SCP2: variants seen among roughly 807,000 people sequenced by gnomAD.
SCP2 encodes SCP-2/3-oxoacyl-CoA thiolase.
In SCP2, 48 loss-of-function variants were observed where a neutral mutation model predicts 71.4. The observed-to-expected ratio is 0.67, with a 90% CI of 0.53 to 0.86. The LOEUF is 0.86. Ranked by LOEUF, SCP2 falls within the 40% of genes least tolerant of loss-of-function variation. The pLI is 0.00. For synonymous variants in SCP2, 220 were observed against 218.1 expected, an observed-to-expected ratio of 1.01 and a Z score of -0.08; for missense variants, 560 against 655.6, an observed-to-expected ratio of 0.85 and a Z score of 1.59.
chr1:52,931,998 CAA>C (rs1346181804), intron 1 of SCP2, among the ~76,000 whole-genome samples: 2 of 151,048 alleles, frequency 1.3e-5, no homozygotes, highest in East Asian at 3.9e-4. Flanking sequence ...TTGACCAAAA[CAA>C]AATATTCAAT....
chr1:52,977,978 A>G (rs1658131109), intron 8 of SCP2, among the ~76,000 whole-genome samples: 1 of 152,082 alleles, frequency 6.6e-6, no homozygotes, highest in Non-Finnish European at 1.5e-5. Flanking sequence ...AAAAAAAAAA[A>G]AAGAACTTTT....
At chr1:52,973,616 T>C (rs1350572823) in intron 6 of SCP2, among the ~76,000 whole-genome samples, 1 of 152,146 alleles carries the variant, frequency 6.6e-6, no homozygotes, top group Non-Finnish European at 1.5e-5. Flanking sequence ...CGCTGTCACC[T>C]AGGCTGGAGT....
Position 52,960,510 on chromosome 1 carries a change from G to GTATA in SCP2, c.397-992_397-991insATAT, listed in dbSNP as rs1557561893. Among the ~76,000 whole-genome samples, 25 of 145,274 alleles carry GTATA rather than the reference G, an allele frequency of 1.7e-4. 1 individual carries two copies. The highest frequency in any genetic ancestry group is 1.6e-3 in the Admixed American group (23 of 14,498). On this transcript the variant is annotated intron_variant, in intron 5 of 15. Coordinates refer to ENST00000371514, the MANE Select transcript of SCP2 (RefSeq NM_002979.5). The stretch of plus-strand genomic sequence containing the variant: ...TGTGTGTGTGTGTGTGTGTGTGTGT[G>GTATA]TGTGTGTGTATATGTGTGTATATAT...
At chr1:52,931,435 T>C (rs1046017171) in intron 1 of SCP2, among the ~76,000 whole-genome samples, 6 of 152,324 alleles carry the variant, frequency 3.9e-5, no homozygotes, top group Admixed American at 3.9e-4. Context: ...GGAGACTTTT[T>C]CTCTGGGGAA....
chr1:53,005,194 G>T (rs1244099719), intron 11 of SCP2, among the ~76,000 whole-genome samples: 1 of 152,046 alleles, frequency 6.6e-6, no homozygotes, highest in East Asian at 1.9e-4. Context: ...TCCACTTCTT[G>T]GGGCAGGGCA....
At chr1:53,035,054 G>A (rs1223110762) in intron 13 of SCP2, among the ~76,000 whole-genome samples, 1 of 151,786 alleles carries the variant, frequency 6.6e-6, no homozygotes, top group Non-Finnish European at 1.5e-5. Context: ...GCAGTAAGCT[G>A]AGATCACGCC....
chr1:52,943,206 G>C (rs888469399), intron 2 of SCP2, among the ~76,000 whole-genome samples: 2 of 151,336 alleles, frequency 1.3e-5, no homozygotes, highest in African/African-American at 4.9e-5. Context: ...AGAATGAAAT[G>C]GTTCCCAACA....
At position 53,050,610 on chromosome 1, in the gene SCP2, C is replaced by A. The variant is rs1187804732; in HGVS notation, c.1550C>A (p.Ala517Asp). ...LMTGKMNPQSAFFQGKLKITG... is the reference protein window; with the variant it reads ...LMTGKMNPQSDFFQGKLKITG... ...ATGAATTTTCTTTCTTCTTCACAGG[C>A]CTTCTTTCAAGGCAAATTGAAAATC... Residue 517 changes from alanine (A) to aspartate (D), a missense_variant and splice_region_variant, in exon 16 of 16, where the codon GCC (alanine) becomes GAC (aspartate). Physicochemically the swap from Ala to Asp is moderately radical, Grantham distance 126. This residue lies in a region of SCP2 where 43 missense variants were observed against 65.9 expected (regional missense o/e 0.65). Coordinates refer to ENST00000371514, the MANE Select transcript of SCP2 (RefSeq NM_002979.5). 5.6e-6 allele frequency: 9 copies of A among 1,608,044 alleles called. No homozygotes were observed. Among genetic ancestry groups the A allele is most frequent in the Non-Finnish European group, 7.7e-6 (9 of 1,174,588 alleles).
At chr1:53,005,150 C>T (rs148520432) in intron 11 of SCP2, among the ~76,000 whole-genome samples, 2,432 of 152,242 alleles carry the variant, frequency 0.016, 66 homozygotes, top group African/African-American at 0.055. Flanking sequence ...TGGAGCCCAT[C>T]GCAGCTCAAC....
intron 11 of SCP2, among the ~76,000 whole-genome samples, chr1:53,001,918 C>A (rs1660341780): frequency 6.6e-6 from 1 of 152,154 alleles, no homozygotes; most frequent in Admixed American, 6.5e-5. Flanking sequence ...GGTGCGGTGG[C>A]TCATGCCTGT....
chr1:52,976,690 C>T lies in SCP2; in HGVS notation c.595C>T (p.Gln199Ter), dbSNP rs1658000828. ...HKHSVNNPYS[Q>*]FQDEYSLDEV... ...TATTTATTTTGTATTTAGGTATTCCCAGTTCCAAGATGAATACAGTTTAGA... is the reference window on the plus strand; with the variant it reads ...TATTTATTTTGTATTTAGGTATTCCTAGTTCCAAGATGAATACAGTTTAGA... The change falls in exon 8 of 16, where the codon CAG (glutamine) becomes TAG (stop). Residue 199 changes from glutamine (Q) to a stop codon, truncating the protein, a stop_gained. Coordinates refer to ENST00000371514, the MANE Select transcript of SCP2 (RefSeq NM_002979.5). LOFTEE classifies it high-confidence loss of function. 6.5e-7 allele frequency: 1 copy of T among 1,527,792 alleles called. No individual in the cohort carries two copies. Among genetic ancestry groups the T allele is most frequent in the Non-Finnish European group, 9.1e-7 (1 of 1,102,196 alleles). 94.6% of individuals were successfully genotyped at this position (1,527,792 alleles called of 1,614,324 possible).
intron 11 of SCP2, among the ~76,000 whole-genome samples, chr1:53,007,854 G>A (rs890949685): frequency 4.6e-5 from 7 of 151,836 alleles, no homozygotes; most frequent in Admixed American, 2.6e-4. Context: ...GTTTTTTGAA[G>A]CGATCAACAA....
chr1:53,008,017 T>C (rs1660740421), intron 11 of SCP2, among the ~76,000 whole-genome samples: 1 of 151,652 alleles, frequency 6.6e-6, no homozygotes, highest in Non-Finnish European at 1.5e-5. Flanking sequence ...TCAAATAAAC[T>C]AGAAAATCTA....
chr1:53,006,649 C>T (rs1025711781), intron 11 of SCP2, among the ~76,000 whole-genome samples: 2 of 150,904 alleles, frequency 1.3e-5, no homozygotes, highest in African/African-American at 2.4e-5. Context: ...TGGAAAGGAA[C>T]AACTGGTACC....
intron 11 of SCP2, among the ~76,000 whole-genome samples, chr1:53,012,211 C>T (rs1661030071): frequency 6.6e-6 from 1 of 152,238 alleles, no homozygotes; most frequent in South Asian, 2.1e-4. Context: ...CTGCCCCACG[C>T]CCAGAAGGAA....
At chr1:52,952,181 T>C (rs1655376750) in intron 4 of SCP2, among the ~76,000 whole-genome samples, 1 of 152,184 alleles carries the variant, frequency 6.6e-6, no homozygotes, top group Admixed American at 6.6e-5. Flanking sequence ...TTTCTTTTTG[T>C]GGATTTTCAT....
At chr1:53,030,649 T>C (rs190908121) in intron 13 of SCP2, among the ~76,000 whole-genome samples, 1,540 of 152,190 alleles carry the variant, frequency 0.01, 34 homozygotes, top group African/African-American at 0.035. Flanking sequence ...CCCAGCATTA[T>C]GGAAGGCTGA....
At chr1:53,012,043 C>G (rs1661018891) in intron 11 of SCP2, among the ~76,000 whole-genome samples, 2 of 152,182 alleles carry the variant, frequency 1.3e-5, no homozygotes, top group Non-Finnish European at 2.9e-5. Flanking sequence ...CAAGGCAGAT[C>G]ATGAAAGCCA....
chr1:53,021,119 A>G (rs1310596573), intron 12 of SCP2, among the ~76,000 whole-genome samples: 1 of 151,740 alleles, frequency 6.6e-6, no homozygotes, highest in African/African-American at 2.4e-5. Flanking sequence ...TAATCTTCCC[A>G]CCTCAGCCTC....
Sources: allele counts gnomAD v4.1 joint callset (sites outside exome capture counted in the v4.1 genomes callset), GRCh38; gene constraint gnomAD v4.1.1; regional missense constraint gnomAD v4.1.1; transcripts MANE v1.5; gene names NCBI Gene and HGNC (gene_info 2026-07-23, HGNC 2026-07-21).